Variants in EXOC6 observed in about 807,000 individuals in gnomAD.
EXOC6 encodes exocyst complex component 6.
A neutral mutation model predicts 112.5 loss-of-function variants in EXOC6; 60 were observed. The observed-to-expected ratio is 0.53, with a 90% CI of 0.43 to 0.66. EXOC6 has a LOEUF of 0.66. Among genes scored for constraint, EXOC6 ranks in the 30% least tolerant of loss-of-function variants. The pLI is 0.00. For synonymous variants in EXOC6, 295 were observed against 308.0 expected (o/e 0.96, Z 0.44); for missense variants, 855 against 957.1 (o/e 0.89, Z 1.41).
intron 2 of EXOC6, 84 bp from the exon 3 acceptor site, chr10:92,894,710 C>G (rs529592253): frequency 9.7e-7 from 1 of 1,035,100 alleles, no homozygotes; most frequent in African/African-American, 1.6e-5. Flanking sequence ...TCTCATGAAG[C>G]ATGATCTGAT....
At chr10:92,891,560 C>T (rs1311892472) in intron 1 of EXOC6, among the ~76,000 whole-genome samples, 1 of 152,180 alleles carries the variant, frequency 6.6e-6, no homozygotes, top group Admixed American at 6.6e-5. Context: ...TTGCTCACTG[C>T]AACCTCTGCC....
At chr10:92,838,010 G>A (rs1389206028) in intron 1 of EXOC6, among the ~76,000 whole-genome samples, 1 of 152,190 alleles carries the variant, frequency 6.6e-6, no homozygotes, top group Admixed American at 6.5e-5. Flanking sequence ...GGCAACCTGA[G>A]GTGGCCTATT....
intron 1 of EXOC6, among the ~76,000 whole-genome samples, chr10:92,866,262 G>A (rs1258145199): frequency 6.6e-6 from 1 of 152,102 alleles, no homozygotes; most frequent in East Asian, 1.9e-4. Context: ...ATTGAGAACT[G>A]TCTGTTGTAC....
At chr10:92,936,379 T>G (rs1051843518) in intron 12 of EXOC6, among the ~76,000 whole-genome samples, 1 of 152,256 alleles carries the variant, frequency 6.6e-6, no homozygotes, top group African/African-American at 2.4e-5. Context: ...AATATGATAC[T>G]TTGTATGAAA....
At chr10:92,846,401 G>A (rs4284324), upstream of EXOC6, among the ~76,000 whole-genome samples, 39,369 of 152,092 alleles carry the variant, frequency 0.26, 6,374 homozygotes, top group East Asian at 0.74. Context: ...ATAGTTCACC[G>A]CAGCCTCGAA....
chr10:93,016,117 A>C (rs1844497659), intron 20 of EXOC6, among the ~76,000 whole-genome samples: 1 of 152,076 alleles, frequency 6.6e-6, no homozygotes, highest in Non-Finnish European at 1.5e-5. Flanking sequence ...TTTTACAGTC[A>C]CCTGTGATCC....
chr10:92,904,192 T>A (rs1478006253), intron 5 of EXOC6, among the ~76,000 whole-genome samples: 1 of 152,132 alleles, frequency 6.6e-6, no homozygotes, highest in Non-Finnish European at 1.5e-5. Flanking sequence ...AACCATAGTT[T>A]ATCCATTCAC....
intron 5 of EXOC6, 128 bp downstream of exon 5, chr10:92,899,772 T>A: frequency 1.6e-6 from 1 of 616,468 alleles, no homozygotes; most frequent in Non-Finnish European, 2.7e-6. Flanking sequence ...CCTTTGTACT[T>A]AAAATTTGCG....
At chr10:92,893,283 C>A in intron 1 of EXOC6, 66 bp from the exon 2 acceptor site, 1 of 1,197,594 alleles carries the variant, frequency 8.4e-7, no homozygotes, top group Non-Finnish European at 1.2e-6. Flanking sequence ...GATATCACCT[C>A]TTGCAAAGAT....
chr10:93,053,413 G>A (rs958564676), intron 20 of EXOC6, among the ~76,000 whole-genome samples: 5 of 152,184 alleles, frequency 3.3e-5, no homozygotes, highest in Admixed American at 6.5e-5. Flanking sequence ...CCTTATAATT[G>A]TTATGCGTGA....
At chr10:92,849,330 CAT>C (rs1319710912) in intron 1 of EXOC6, among the ~76,000 whole-genome samples, 1 of 152,220 alleles carries the variant, frequency 6.6e-6, no homozygotes, top group East Asian at 1.9e-4. Flanking sequence ...TATTTACAAA[CAT>C]TTCATTAAAA....
At chr10:92,918,855 T>A (rs1025019301) in intron 7 of EXOC6, among the ~76,000 whole-genome samples, 1 of 152,222 alleles carries the variant, frequency 6.6e-6, no homozygotes, top group African/African-American at 2.4e-5. Context: ...TGTGTATATA[T>A]GTGTATATAT....
intron 20 of EXOC6, among the ~76,000 whole-genome samples, chr10:93,032,910 TGGGAAATATA>T (rs1208719892): frequency 1.3e-5 from 2 of 152,058 alleles, no homozygotes; most frequent in African/African-American, 4.8e-5. Flanking sequence ...TGAGTGAAAT[TGGGAAATATA>T]GGGAAATAGC....
At chr10:92,944,084 C>T (rs1852830079) in intron 13 of EXOC6, among the ~76,000 whole-genome samples, 1 of 152,048 alleles carries the variant, frequency 6.6e-6, no homozygotes, top group African/African-American at 2.4e-5. Flanking sequence ...CAGAATTTCC[C>T]TCTTTTATAG....
At position 92,955,658 on chromosome 10, in the gene EXOC6, A is replaced by G. The variant is rs146036113; in HGVS notation, c.1717A>G (p.Asn573Asp). ...YLEDFITNITNISQETVHTTR... is the reference protein window; with the variant it reads ...YLEDFITNITDISQETVHTTR... ...TGAGGACTTTATAACTAACATTACA[A>G]ATATTTCCCAAGAAACTGTTCATAC... The change falls in exon 17 of 22, where the codon AAT becomes GAT. Residue 573 changes from asparagine to aspartate, a missense_variant. Asn to Asp is a conservative substitution (Grantham distance 23, BLOSUM62 1). Transcript: ENST00000260762. 2.1e-5 allele frequency: 34 copies of G among 1,611,992 alleles called. No homozygotes were observed. In the East Asian group the frequency reaches 3.1e-4, roughly 15 times the overall value.
intron 8 of EXOC6, among the ~76,000 whole-genome samples, chr10:92,924,298 A>G (rs1851589979): frequency 6.6e-6 from 1 of 152,202 alleles, no homozygotes; most frequent in Admixed American, 6.5e-5. Flanking sequence ...AGGATGTATC[A>G]TTTGCTGTAA....
In EXOC6 at chr10:93,058,352, G is replaced by A. The variant is rs968722874; in HGVS notation, c.2412G>A (p.Met804Ile). Reference sequence around the variant, plus strand: ...TGGTGAATGGTATGTCCCAGCACATGTAGACCTCACATGGCTTGCACTCAG... The same window carrying A: ...TGGTGAATGGTATGTCCCAGCACATATAGACCTCACATGGCTTGCACTCAG... ...RSLVNGMSQH[M>I] Residue 804 changes from methionine (M) to isoleucine (I), a missense_variant, in exon 22 of 22, where the codon ATG becomes ATA. Coordinates refer to ENST00000260762, the MANE Select transcript of EXOC6 (RefSeq NM_019053.6). The A allele has an allele frequency of 6.2e-7, 1 of 1,600,650 alleles. No homozygotes were observed. Among genetic ancestry groups the A allele is most frequent in the African/African-American group, 1.3e-5 (1 of 74,370 alleles).
chr10:92,995,448 T>G (rs183234958), intron 18 of EXOC6, among the ~76,000 whole-genome samples: 1 of 152,322 alleles, frequency 6.6e-6, no homozygotes, highest in Admixed American at 6.5e-5. Flanking sequence ...TAATCAGCTT[T>G]TGTAGTTAGT....
At chr10:92,941,556 G>T (rs1852669075) in intron 13 of EXOC6, among the ~76,000 whole-genome samples, 1 of 152,018 alleles carries the variant, frequency 6.6e-6, no homozygotes, top group Admixed American at 6.5e-5. Flanking sequence ...AATTATACTT[G>T]CTTGTAGTTC....
Sources: allele counts gnomAD v4.1 joint callset (sites outside exome capture counted in the v4.1 genomes callset), GRCh38; gene constraint gnomAD v4.1.1; transcripts MANE v1.5; gene names NCBI Gene and HGNC (gene_info 2026-07-23, HGNC 2026-07-21).